The following PSG2 variants were observed in gnomAD, a reference collection of about 807,000 sequenced individuals.
PSG2 encodes the protein pregnancy-specific beta-1-glycoprotein 2.
A neutral mutation model predicts 36.2 loss-of-function variants in PSG2; 49 were observed. The ratio of observed to expected loss-of-function variants is 1.35; its 90% CI spans 1.08 to 1.72. PSG2 has a LOEUF of 1.72. Ranked by LOEUF, PSG2 falls within the 40% of genes most tolerant of loss-of-function variation. The probability of loss-of-function intolerance (pLI) is 0.00; values close to 1 mark genes in which losing one functional copy is unlikely to be tolerated. For synonymous variants in PSG2, 261 were observed against 155.6 expected (o/e 1.68, Z -5.04); for missense variants, 605 against 407.2 (o/e 1.49, Z -4.18).
chr19:43,079,882 G>A (rs370310919), intron 2 of PSG2, among the ~76,000 whole-genome samples: 18 of 151,594 alleles, frequency 1.2e-4, no homozygotes, highest in African/African-American at 3.9e-4. Context: ...GTGGCTGCAG[G>A]CAGACCTCAT....
chr19:43,077,178 C>G (rs1208042713), intron 2 of PSG2, among the ~76,000 whole-genome samples: 4 of 151,370 alleles, frequency 2.6e-5, no homozygotes, highest in Admixed American at 6.6e-5. Context: ...CTCCTGAGAC[C>G]AAAATAAGGT....
intron 2 of PSG2, among the ~76,000 whole-genome samples, chr19:43,077,838 G>A (rs191144593): frequency 5.3e-5 from 8 of 151,830 alleles, no homozygotes; most frequent in Middle Eastern, 3.4e-3. Flanking sequence ...TTCAGTTTTG[G>A]AAATTTCTAT....
intron 5 of PSG2, among the ~76,000 whole-genome samples, chr19:43,064,925 C>T (rs555715809): frequency 6.8e-4 from 103 of 151,888 alleles, no homozygotes; most frequent in Non-Finnish European, 1.1e-3. Context: ...TCCGCCTCCG[C>T]GGTTCATGCC....
intron 4 of PSG2, among the ~76,000 whole-genome samples, chr19:43,070,732 G>T (rs1967803553): frequency 6.6e-6 from 1 of 151,674 alleles, no homozygotes; most frequent in Non-Finnish European, 1.5e-5. Context: ...GGGTACAGAG[G>T]TTTAATATGG....
intron 2 of PSG2, among the ~76,000 whole-genome samples, chr19:43,080,504 A>G (rs1967956020): frequency 1.3e-5 from 2 of 151,702 alleles, no homozygotes; most frequent in South Asian, 2.1e-4. Flanking sequence ...TGAGGTTTCT[A>G]GGGCTGAGCT....
chr19:43,072,309 G>A, intron 3 of PSG2: 1 of 1,608,092 alleles, frequency 6.2e-7, no homozygotes, highest in Non-Finnish European at 8.5e-7. Context: ...TGGTCATTTG[G>A]ATTTAAGCTG....
At chr19:43,077,214 G>C (rs1286045450) in intron 2 of PSG2, among the ~76,000 whole-genome samples, 1 of 151,644 alleles carries the variant, frequency 6.6e-6, no homozygotes, top group Non-Finnish European at 1.5e-5. Context: ...ATTCCAGCAG[G>C]ATCACATTAT....
chr19:43,082,422 T>C (rs1599712849), intron 1 of PSG2, 84 bp downstream of exon 1: 1 of 1,571,602 alleles, frequency 6.4e-7, no homozygotes, highest in East Asian at 2.3e-5. Flanking sequence ...TCTTTCATTT[T>C]TTAGAACCCC....
In PSG2 at chr19:43,082,473, C is replaced by T. The variant is rs540565365; in HGVS notation, c.64+33G>A. The T allele has an allele frequency of 2.1e-4, 330 of 1,603,370 alleles. 13 individuals are homozygous for T. In the African/African-American group the frequency reaches 4.1e-3, roughly 20 times the overall value. Reference sequence around the variant, plus strand: ...CCCCATCCAGTCACTCTTCTTCCTCCTCCTGTCCTCTCCCAGGAAGTTCTC... The same window carrying T: ...CCCCATCCAGTCACTCTTCTTCCTCTTCCTGTCCTCTCCCAGGAAGTTCTC... On this transcript the variant is annotated intron_variant, in intron 1 of 5. Coordinates refer to ENST00000406487, the MANE Select transcript of PSG2 (RefSeq NM_031246.4).
intron 3 of PSG2, among the ~76,000 whole-genome samples, chr19:43,072,866 G>A (rs1431396065): frequency 4.0e-5 from 6 of 151,748 alleles, no homozygotes; most frequent in South Asian, 2.1e-4. Context: ...GAGCAGCAGT[G>A]TTGGGTCATG....
chr19:43,069,623 C>T (rs905558614), intron 4 of PSG2, among the ~76,000 whole-genome samples: 3 of 151,564 alleles, frequency 2.0e-5, no homozygotes, highest in African/African-American at 7.3e-5. Flanking sequence ...GTGTTCTCAC[C>T]AAATGATATT....
At position 43,075,740 on chromosome 19, in the gene PSG2, T is replaced by C. The variant is rs1338110940; in HGVS notation, c.431-108A>G. ...CCCACCTCTCAGCCCACCCAAGTCC[T>C]TAAAAGCCCATGGCAGGTGTGTGTG... On this transcript the variant is annotated intron_variant, in intron 2 of 5. Transcript: ENST00000406487. 52 of 1,519,008 alleles carry C rather than the reference T, an allele frequency of 3.4e-5. 1 individual carries two copies. The East Asian group carries it at 1.0e-3, about 30-fold the overall frequency. 94.1% of individuals were successfully genotyped at this position (1,519,008 alleles called of 1,614,324 possible).
At chr19:43,072,593 A>C in intron 3 of PSG2, 1 of 1,611,402 alleles carries the variant, frequency 6.2e-7, no homozygotes, top group Non-Finnish European at 8.5e-7. Flanking sequence ...CCTGGGGTTT[A>C]AGTTGTTGAT....
At chr19:43,071,275 T>A (rs1238791757) in intron 4 of PSG2, among the ~76,000 whole-genome samples, 1 of 151,550 alleles carries the variant, frequency 6.6e-6, no homozygotes, top group Non-Finnish European at 1.5e-5. Flanking sequence ...CTTCCTCCTC[T>A]CATTTGGGGG....
Position 43,066,760 on chromosome 19 carries a change from GT to G in PSG2, c.965-161del, listed in dbSNP as rs1002740685. Among the ~76,000 whole-genome samples, 13 of 151,134 alleles carry G rather than the reference GT, an allele frequency of 8.6e-5. 1 individual carries two copies. Among genetic ancestry groups the G allele is most frequent in the East Asian group, 7.8e-4 (4 of 5,158 alleles). ...GATGGGAGATGATTATATTCTTGCAGTTTTTTTTCCCTCTCACCATGTGTCT... is the reference window on the plus strand; with the variant it reads ...GATGGGAGATGATTATATTCTTGCAGTTTTTTTCCCTCTCACCATGTGTCT... On this transcript the variant is annotated intron_variant, in intron 4 of 5. Transcript: ENST00000406487.
intron 2 of PSG2, 92 bp downstream of exon 2, chr19:43,080,789 C>G: frequency 1.9e-6 from 3 of 1,608,382 alleles, no homozygotes; most frequent in Non-Finnish European, 2.6e-6. Flanking sequence ...CAGAGAGGGA[C>G]ACAGGCACAG....
chr19:43,076,245 G>T (rs1394675892), intron 2 of PSG2, among the ~76,000 whole-genome samples: 2 of 151,572 alleles, frequency 1.3e-5, no homozygotes, highest in Admixed American at 1.3e-4. Flanking sequence ...GTCTCATAGT[G>T]AGTGACTTGA....
Position 43,071,863 on chromosome 19 carries a change from T to C in PSG2, c.801A>G (p.Pro267=), listed in dbSNP as rs1179086461. The C allele has an allele frequency of 4.3e-6, 7 of 1,612,908 alleles. No individual in the cohort carries two copies. Among genetic ancestry groups the C allele is most frequent in the Admixed American group, 1.7e-5 (1 of 59,938 alleles). Residue 267 remains proline (P), a synonymous_variant, in exon 4 of 6, where the codon CCA becomes CCG. Transcript: ENST00000406487. ...TAATTGTCCAAGAATACTGTGCCGG[T>C]GGGTTAGAGTTCGCGAAGCAAGACA... ...LYLSCFANSN[P]PAQYSWTING... is the part of the protein sequence containing the mutation.
At chr19:43,081,318 C>T (rs1389657926) in intron 1 of PSG2, 72 bp from the exon 2 acceptor site, 7 of 1,521,736 alleles carry the variant, frequency 4.6e-6, no homozygotes, top group East Asian at 2.3e-5. Context: ...GCCCTGGGTC[C>T]TGAGGAGGTC....
Sources: allele counts gnomAD v4.1 joint callset (sites outside exome capture counted in the v4.1 genomes callset), GRCh38; gene constraint gnomAD v4.1.1; transcripts MANE v1.5; gene names NCBI Gene and HGNC (gene_info 2026-07-23, HGNC 2026-07-21).